Variants in PFKFB2 observed in about 807,000 individuals in gnomAD.
PFKFB2 encodes the protein 6-phosphofructo-2-kinase/fructose-2,6-biphosphatase 2.
In PFKFB2, 53 loss-of-function variants were observed where a neutral mutation model predicts 68.0. That is an observed-to-expected ratio of 0.78 (90% CI 0.63 to 0.98). The LOEUF (loss-of-function observed/expected upper bound fraction) is 0.98, where lower values mean the gene tolerates loss of function less well. PFKFB2 is among the 50% of genes least tolerant of loss of function. PFKFB2 has a pLI of 0.00. For synonymous variants in PFKFB2, 222 were observed against 227.6 expected, an observed-to-expected ratio of 0.98 and a Z score of 0.22; for missense variants, 451 against 642.0, an observed-to-expected ratio of 0.70 and a Z score of 3.22.
intron 3 of PFKFB2, 47 bp from the exon 4 acceptor site, chr1:207,062,573 G>A (rs777805045): frequency 6.3e-7 from 1 of 1,599,152 alleles, no homozygotes; most frequent in African/African-American, 1.3e-5. Flanking sequence ...CATTTGGTGG[G>A]GCCATCATAT....
upstream of PFKFB2, among the ~76,000 whole-genome samples, chr1:207,050,357 A>C (rs1476277406): frequency 2.0e-5 from 3 of 152,222 alleles, no homozygotes; most frequent in Non-Finnish European, 4.4e-5. Flanking sequence ...AAAAAGAGAC[A>C]TAAGGACAGA....
chr1:207,062,220 T>C, intron 3 of PFKFB2, 142 bp downstream of exon 3: 1 of 1,176,882 alleles, frequency 8.5e-7, no homozygotes, highest in South Asian at 1.5e-5. Context: ...ACTGGAGTTA[T>C]TCTCTATTCC....
chr1:207,072,602 G>T lies in PFKFB2; in HGVS notation c.*231G>T. The T allele has an allele frequency of 2.3e-6, 3 of 1,323,620 alleles. No individual in the cohort carries two copies. The highest frequency in any genetic ancestry group is 2.9e-6 in the Non-Finnish European group (3 of 1,036,770). The allele number at this position is 1,323,620 out of a possible 1,614,324, so 82.0% of individuals were successfully genotyped here. ...TCACCCAGGGGCAAGTTAGCAAATT[G>T]AGTCTTTTAGGACAGATTCTCAGAT... On this transcript the variant is annotated 3_prime_UTR_variant, in exon 15 of 15. Coordinates refer to ENST00000367080, the MANE Select transcript of PFKFB2 (RefSeq NM_006212.2).
At chr1:207,053,810 TG>T (rs1397363017) in intron 1 of PFKFB2, among the ~76,000 whole-genome samples, 1 of 152,032 alleles carries the variant, frequency 6.6e-6, no homozygotes, top group Non-Finnish European at 1.5e-5. Context: ...AGGGCTGTCT[TG>T]GGGTCCAGTT....
In PFKFB2 at chr1:207,073,083, T is replaced by C; in HGVS notation, c.*712T>C. 2 of 985,510 alleles carry C rather than the reference T, an allele frequency of 2.0e-6. No homozygotes were observed. The highest frequency in any genetic ancestry group is 2.4e-6 in the Non-Finnish European group (2 of 829,972). The allele number at this position is 985,510 out of a possible 1,614,324, so 61.0% of individuals were successfully genotyped here. ...CAGACTACAGGACATCCACAGAATA[T>C]TCTGGAGCTTGCAAGTAGACATAGG... On this transcript the variant is annotated 3_prime_UTR_variant, in exon 15 of 15. Transcript: ENST00000367080.
chr1:207,079,138 C>T, downstream of PFKFB2: 1 of 821,266 alleles, frequency 1.2e-6, no homozygotes, highest in South Asian at 1.4e-5. Flanking sequence ...TTGGGGGCCA[C>T]CAAAACGAGG....
At chr1:207,067,396 AG>A (rs1683322580) in intron 8 of PFKFB2, 102 bp from the exon 9 acceptor site, 2 of 754,270 alleles carry the variant, frequency 2.7e-6, no homozygotes. Context: ...GGGGAGGAAG[AG>A]CAGCTGTGAG....
At chr1:207,035,511 A>C (rs1682357893) in intron 1 of PFKFB2, among the ~76,000 whole-genome samples, 1 of 152,064 alleles carries the variant, frequency 6.6e-6, no homozygotes, top group Non-Finnish European at 1.5e-5. Context: ...AAAATTAGCC[A>C]GGTATGGCAG....
In PFKFB2 at chr1:207,063,263, G is replaced by A; in HGVS notation, c.375+54G>A. The A allele has an allele frequency of 6.3e-7, 1 of 1,590,032 alleles. No individual in the cohort carries two copies. Among genetic ancestry groups the A allele is most frequent in the Non-Finnish European group, 8.6e-7 (1 of 1,158,168 alleles). Reference sequence around the variant, plus strand: ...TGGTCCCCACCCTTGCAGCAGCCTGGCTACCCAGCCCCACCTTGAGTCTGC... The same window carrying A: ...TGGTCCCCACCCTTGCAGCAGCCTGACTACCCAGCCCCACCTTGAGTCTGC... On this transcript the variant is annotated intron_variant, in intron 5 of 14. Coordinates refer to ENST00000367080, the MANE Select transcript of PFKFB2 (RefSeq NM_006212.2). The surrounding 1 kb of genome is among the most constrained non-coding windows in gnomAD (Gnocchi z 4.1).
chr1:207,074,101 TG>T lies in PFKFB2; in HGVS notation c.*1733del. The T allele has an allele frequency of 1.1e-6, 1 of 907,512 alleles. No homozygotes were observed. The highest frequency in any genetic ancestry group is 1.3e-6 in the Non-Finnish European group (1 of 760,378). The allele number at this position is 907,512 out of a possible 1,614,324, so 56.2% of individuals were successfully genotyped here. A position where few individuals can be genotyped will look rare whatever the true frequency, so the allele number is the denominator to read the frequency against. ...ATACTGACTCAGAATCTCTGGGATC[TG>T]GGTCTGGACATGCATGTATTTAAGT... On this transcript the variant is annotated 3_prime_UTR_variant, in exon 15 of 15. Transcript: ENST00000367080.
chr1:207,064,691 G>T (rs1205729954), intron 7 of PFKFB2, among the ~76,000 whole-genome samples: 2 of 152,208 alleles, frequency 1.3e-5, no homozygotes, highest in Non-Finnish European at 2.9e-5. Flanking sequence ...CTGGGGTCAT[G>T]CACCCTATTC....
At chr1:207,052,738 TGA>T (rs34574803), upstream of PFKFB2, 60,071 of 157,016 alleles carry the variant, frequency 0.38, 11,832 homozygotes, top group Middle Eastern at 0.47. Flanking sequence ...GGTTCAACGA[TGA>T]GAGTGGTTGA....
Position 207,077,352 on chromosome 1 carries a change from A to G in PFKFB2, c.*4981A>G. 1 of 985,220 alleles carries G rather than the reference A, an allele frequency of 1.0e-6. No homozygotes were observed. The highest frequency in any genetic ancestry group is 1.2e-6 in the Non-Finnish European group (1 of 829,716). The allele number at this position is 985,220 out of a possible 1,614,324, so 61.0% of individuals were successfully genotyped here. ...TAAAAATTGATTTTAAGGGTTGGCA[A>G]AAGTATTTTTTCCAGTAAGCCTTTC... is the stretch of plus-strand genomic sequence containing the variant. On this transcript the variant is annotated 3_prime_UTR_variant, in exon 15 of 15. Coordinates refer to ENST00000367080, the MANE Select transcript of PFKFB2 (RefSeq NM_006212.2).
At chr1:207,044,837 G>A (rs1033825983) in intron 2 of PFKFB2, 6 of 152,466 alleles carry the variant, frequency 3.9e-5, no homozygotes, top group African/African-American at 1.4e-4. Context: ...ACTCTACCAT[G>A]AGGGGGTTAC....
intron 2 of PFKFB2, among the ~76,000 whole-genome samples, chr1:207,059,766 G>T (rs887433816): frequency 2.0e-5 from 3 of 152,048 alleles, no homozygotes; most frequent in Non-Finnish European, 4.4e-5. Flanking sequence ...TCCGAGGGTG[G>T]TTCTCTACCT....
At chr1:207,060,701 A>C (rs973389708) in intron 2 of PFKFB2, 2 of 152,190 alleles carry the variant, frequency 1.3e-5, no homozygotes, top group Non-Finnish European at 2.9e-5. Flanking sequence ...TCAGTTCTGC[A>C]CTGGTAGAAT....
chr1:207,058,605 T>A (rs957577352), intron 2 of PFKFB2, among the ~76,000 whole-genome samples: 2 of 152,086 alleles, frequency 1.3e-5, no homozygotes, highest in Non-Finnish European at 2.9e-5. Flanking sequence ...TTTGTAAATC[T>A]TTTTTTTAAA....
At chr1:207,078,963 A>C (rs999543075), downstream of PFKFB2, 1 of 1,612,234 alleles carries the variant, frequency 6.2e-7, no homozygotes, top group Admixed American at 1.7e-5. Context: ...GGCAGCAGAG[A>C]CCACACTGGC....
In PFKFB2 at chr1:207,075,741, C is replaced by G. The variant is rs1683605864; in HGVS notation, c.*3370C>G. On this transcript the variant is annotated 3_prime_UTR_variant, in exon 15 of 15. Transcript: ENST00000367080. ...CCTGGGCAATATAGTGAGACCTCAC[C>G]TCTAAAAAAGTTTTTTATAAATTTA... 2.0e-6 allele frequency: 2 copies of G among 978,548 alleles called. No homozygotes were observed. Among genetic ancestry groups the G allele is most frequent in the South Asian group, 4.7e-5 (1 of 21,136 alleles). 60.6% of individuals were successfully genotyped at this position (978,548 alleles called of 1,614,324 possible).
Sources: gnomAD v4.1 joint callset for allele counts (sites outside exome capture counted in the v4.1 genomes callset) on GRCh38, gnomAD v4.1.1 for gene constraint, Gnocchi (gnomAD v3.1) non-coding constraint, MANE v1.5 for transcripts, NCBI Gene and HGNC (gene_info 2026-07-23, HGNC 2026-07-21) for gene names.